PMF1: variants seen among roughly 807,000 people sequenced by gnomAD.
The protein encoded by PMF1 is polyamine modulated factor 1.
Under a neutral mutation model 26.7 loss-of-function variants are expected in PMF1, and 21 were observed. That is an observed-to-expected ratio of 0.79 (90% CI 0.56 to 1.13). The LOEUF (loss-of-function observed/expected upper bound fraction) is 1.13. Among genes scored for constraint, PMF1 ranks in the 50% most tolerant of loss-of-function variants. The pLI, the probability that PMF1 is intolerant of heterozygous loss-of-function variation, is 0.00. For synonymous variants in PMF1, 105 were observed against 101.0 expected (o/e 1.04, Z -0.24); for missense variants, 266 against 254.9 (o/e 1.04, Z -0.30).
chr1:156,228,652 C>G (rs1260774841), intron 1 of PMF1, among the ~76,000 whole-genome samples: 1 of 152,108 alleles, frequency 6.6e-6, no homozygotes, highest in Non-Finnish European at 1.5e-5. Flanking sequence ...AGAGATGCGT[C>G]CAGCTCAGAC....
Position 156,239,895 on chromosome 1 carries a change from C to A in PMF1, c.*294C>A, listed in dbSNP as rs982658687. 6 of 384,598 alleles carry A rather than the reference C, an allele frequency of 1.6e-5. No homozygotes were observed. The East Asian group carries it at 2.2e-4, about 14-fold the overall frequency. 23.8% of individuals were successfully genotyped at this position (384,598 alleles called of 1,614,324 possible). A position where few individuals can be genotyped will look rare whatever the true frequency, so the allele number is the denominator to read the frequency against. On this transcript the variant is annotated 3_prime_UTR_variant, in exon 5 of 5. Coordinates refer to ENST00000368277, the MANE Select transcript of PMF1 (RefSeq NM_007221.4). Reference sequence around the variant, plus strand: ...AGGTCAGCTCTGCCCCTCCGCCCCCCTCCTGCTGGTTCCCCAGCCCTTTTC... The same window carrying A: ...AGGTCAGCTCTGCCCCTCCGCCCCCATCCTGCTGGTTCCCCAGCCCTTTTC...
At chr1:156,227,233 A>G (rs1658417266) in intron 1 of PMF1, among the ~76,000 whole-genome samples, 2 of 152,068 alleles carry the variant, frequency 1.3e-5, no homozygotes, top group African/African-American at 2.4e-5. Flanking sequence ...GCCAGGCTCA[A>G]TGGCTCACGC....
At chr1:156,237,904 G>A (rs1013748332) in intron 4 of PMF1, among the ~76,000 whole-genome samples, 3 of 151,010 alleles carry the variant, frequency 2.0e-5, no homozygotes, top group African/African-American at 7.3e-5. Context: ...GAGTAGCTGG[G>A]ATTACAGGTA....
intron 1 of PMF1, among the ~76,000 whole-genome samples, chr1:156,230,472 T>C (rs556641159): frequency 6.6e-6 from 1 of 152,336 alleles, no homozygotes; most frequent in South Asian, 2.1e-4. Context: ...GGGAGGGCCG[T>C]GTCAGTCTTA....
chr1:156,222,357 C>T (rs1227150095), intron 1 of PMF1, among the ~76,000 whole-genome samples: 1 of 151,858 alleles, frequency 6.6e-6, no homozygotes, highest in Non-Finnish European at 1.5e-5. Context: ...AGAAAGGGCT[C>T]AATAAGTGTC....
intron 4 of PMF1, chr1:156,236,770 C>CA (rs1456493092): frequency 2.2e-6 from 1 of 448,622 alleles, no homozygotes; most frequent in African/African-American, 1.9e-5. Context: ...CCCAAGGTAA[C>CA]AGCGCCTCCA....
At chr1:156,227,506 T>TTA (rs1439188433) in intron 1 of PMF1, among the ~76,000 whole-genome samples, 154 of 150,192 alleles carry the variant, frequency 1.0e-3, no homozygotes, top group African/African-American at 2.7e-3. Flanking sequence ...TTTATTTTAT[T>TTA]TTTTTTTTGA....
At chr1:156,232,027 G>A (rs111975336) in intron 1 of PMF1, among the ~76,000 whole-genome samples, 98 of 152,290 alleles carry the variant, frequency 6.4e-4, no homozygotes, top group African/African-American at 2.2e-3. Flanking sequence ...AGCCTAACCC[G>A]AGAGCTTGCT....
Position 156,213,137 on chromosome 1 carries a change from T to C in PMF1, c.122T>C (p.Met41Thr). 2 of 1,614,142 alleles carry C rather than the reference T, an allele frequency of 1.2e-6. No individual in the cohort carries two copies. The highest frequency in any genetic ancestry group is 1.7e-6 in the Non-Finnish European group (2 of 1,179,964). ...TISRVKLLDT[M>T]VDTFLQKLVA... ...TCGAGGGTGAAGCTCCTCGACACCA[T>C]GGTGGACACTTTTCTTCAGAAGCTG... The change falls in exon 1 of 5, where the codon ATG (methionine) becomes ACG (threonine). Residue 41 changes from methionine (M) to threonine (T), a missense_variant. Met to Thr is a moderately conservative substitution (Grantham distance 81). Coordinates refer to ENST00000368277, the MANE Select transcript of PMF1 (RefSeq NM_007221.4).
At chr1:156,231,309 T>A (rs556605069) in intron 1 of PMF1, among the ~76,000 whole-genome samples, 1 of 144,878 alleles carries the variant, frequency 6.9e-6, no homozygotes, top group South Asian at 2.4e-4. Context: ...GGCAAGAGGA[T>A]CCCTTGAGCC....
At chr1:156,232,960 C>T (rs1266703135) in intron 2 of PMF1, among the ~76,000 whole-genome samples, 5 of 141,000 alleles carry the variant, frequency 3.5e-5, no homozygotes, top group Non-Finnish European at 7.5e-5. Context: ...GGCTCTGTCA[C>T]TCAGGCTGGA....
chr1:156,229,304 A>G (rs540735945), intron 1 of PMF1, among the ~76,000 whole-genome samples: 4 of 152,182 alleles, frequency 2.6e-5, no homozygotes, highest in African/African-American at 9.6e-5. Flanking sequence ...ACTCTGACCC[A>G]GAAGTGTACT....
rs1462272734 is a variant in PMF1, at chr1:156,239,980, G to T, written c.*379G>T. ...CCACTGATTGCCCCCTTGCTGGCCAGCCCAGGGGCCTTTACCATGTTCTCT... is the reference window on the plus strand; with the variant it reads ...CCACTGATTGCCCCCTTGCTGGCCATCCCAGGGGCCTTTACCATGTTCTCT... On this transcript the variant is annotated 3_prime_UTR_variant, in exon 5 of 5. Transcript: ENST00000368277. The T allele has an allele frequency of 4.5e-6, 1 of 221,154 alleles. No homozygotes were observed. The highest frequency in any genetic ancestry group is 9.0e-6 in the Non-Finnish European group (1 of 111,702). 13.7% of individuals were successfully genotyped at this position (221,154 alleles called of 1,614,324 possible).
chr1:156,225,737 A>G (rs1397746726), intron 1 of PMF1: 8 of 730,222 alleles, frequency 1.1e-5, no homozygotes, highest in Non-Finnish European at 1.6e-5. Context: ...ACCCTCTTTT[A>G]TCTTTCCATG....
chr1:156,225,780 C>A, intron 1 of PMF1: 1 of 466,298 alleles, frequency 2.1e-6, no homozygotes, highest in Non-Finnish European at 3.9e-6. Flanking sequence ...ATATGTAAAC[C>A]AACAGATTGA....
chr1:156,214,874 T>G (rs1340527783), intron 1 of PMF1, among the ~76,000 whole-genome samples: 1 of 150,262 alleles, frequency 6.7e-6, no homozygotes, highest in African/African-American at 2.5e-5. Context: ...TTATTATTAT[T>G]ATTATTATTA....
At chr1:156,217,928 T>C (rs1657866227) in intron 1 of PMF1, among the ~76,000 whole-genome samples, 1 of 152,220 alleles carries the variant, frequency 6.6e-6, no homozygotes. Flanking sequence ...CTCTGAGACA[T>C]GTAACTGGGA....
At chr1:156,224,612 C>A (rs1352659803) in intron 1 of PMF1, among the ~76,000 whole-genome samples, 1 of 151,606 alleles carries the variant, frequency 6.6e-6, no homozygotes, top group African/African-American at 2.4e-5. Flanking sequence ...AAAATACAAA[C>A]AATTAGCTGG....
rs376786656 is a variant in PMF1, at chr1:156,213,129, C to T, written c.114C>T (p.Leu38=). The T allele has an allele frequency of 3.7e-6, 6 of 1,614,020 alleles. No homozygotes were observed. The African/African-American group carries it at 5.3e-5, about 14-fold the overall frequency. ...PGTTISRVKL[L]DTMVDTFLQK... Reference sequence around the variant, plus strand: ...CTACCATTTCGAGGGTGAAGCTCCTCGACACCATGGTGGACACTTTTCTTC... The same window carrying T: ...CTACCATTTCGAGGGTGAAGCTCCTTGACACCATGGTGGACACTTTTCTTC... The change falls in exon 1 of 5, where the codon CTC becomes CTT. Residue 38 remains leucine (L), a synonymous_variant. Coordinates refer to ENST00000368277, the MANE Select transcript of PMF1 (RefSeq NM_007221.4).
Sources: allele counts gnomAD v4.1 joint callset (sites outside exome capture counted in the v4.1 genomes callset), GRCh38; gene constraint gnomAD v4.1.1; transcripts MANE v1.5; gene names NCBI Gene and HGNC (gene_info 2026-07-23, HGNC 2026-07-21).